R3HCC1L: variants seen among roughly 807,000 people sequenced by gnomAD.
The protein encoded by R3HCC1L is coiled-coil domain-containing protein R3HCC1L.
R3HCC1L carries 51 observed loss-of-function variants against 59.9 expected under a neutral mutation model. The ratio of observed to expected loss-of-function variants is 0.85; its 90% CI spans 0.68 to 1.07. The LOEUF is 1.07. R3HCC1L is among the 50% of genes least tolerant of loss of function. R3HCC1L has a pLI of 0.00. For missense variants in R3HCC1L, 965 were observed against 933.0 expected (o/e 1.03, Z -0.45); for synonymous variants, 322 against 315.2 (o/e 1.02, Z -0.23).
chr10:98,168,589 C>A (rs1848195813), intron 4 of R3HCC1L, among the ~76,000 whole-genome samples: 1 of 152,010 alleles, frequency 6.6e-6, no homozygotes, highest in Admixed American at 6.6e-5. Flanking sequence ...AATGTTTCTT[C>A]CAGTTGTGCA....
At chr10:98,168,178 G>A (rs1848141971) in intron 4 of R3HCC1L, among the ~76,000 whole-genome samples, 1 of 152,100 alleles carries the variant, frequency 6.6e-6, no homozygotes, top group Admixed American at 6.5e-5. Context: ...ATGCAGAGTA[G>A]GAAGCAAACT....
intron 1 of R3HCC1L, among the ~76,000 whole-genome samples, chr10:98,135,109 C>G (rs1047388190): frequency 6.6e-6 from 1 of 152,230 alleles, no homozygotes; most frequent in African/African-American, 2.4e-5. Context: ...GGCTTCGCTT[C>G]GAGCCTCGCC....
intron 1 of R3HCC1L, among the ~76,000 whole-genome samples, chr10:98,146,176 C>CTT (rs60637116): frequency 0.68 from 103,019 of 151,766 alleles, 35,111 homozygotes; most frequent in African/African-American, 0.76. Context: ...GTGATAGCAT[C>CTT]TTTTTTGGTT....
At chr10:98,149,738 T>C (rs146037883) in intron 1 of R3HCC1L, among the ~76,000 whole-genome samples, 1 of 152,348 alleles carries the variant, frequency 6.6e-6, no homozygotes, top group African/African-American at 2.4e-5. Flanking sequence ...TTCAAAGATA[T>C]AGTCTGTTCT....
intron 1 of R3HCC1L, among the ~76,000 whole-genome samples, chr10:98,153,070 TGAG>T (rs771318617): frequency 4.3e-4 from 65 of 151,972 alleles, no homozygotes; most frequent in Non-Finnish European, 9.0e-4. Flanking sequence ...TTCTGGGAAG[TGAG>T]GAGCCCCTAT....
intron 9 of R3HCC1L, 74 bp from the exon 10 acceptor site, chr10:98,244,017 T>C (rs1407299847): frequency 7.3e-7 from 1 of 1,371,190 alleles, no homozygotes; most frequent in Non-Finnish European, 1.0e-6. Flanking sequence ...AAGTTTGCCT[T>C]GTAATTTGGA....
intron 1 of R3HCC1L, among the ~76,000 whole-genome samples, chr10:98,136,992 CGAGGTCAGGAG>C (rs1564972781): frequency 6.6e-6 from 1 of 152,094 alleles, no homozygotes; most frequent in East Asian, 1.9e-4. Context: ...GGGCAGATCA[CGAGGTCAGGAG>C]GTCGAGACCA....
At chr10:98,212,573 C>T (rs543221116) in intron 5 of R3HCC1L, among the ~76,000 whole-genome samples, 23 of 152,248 alleles carry the variant, frequency 1.5e-4, no homozygotes, top group African/African-American at 5.3e-4. Flanking sequence ...TCTCCTAAAG[C>T]CACGGTATGG....
At chr10:98,163,684 T>G (rs956063716) in intron 4 of R3HCC1L, among the ~76,000 whole-genome samples, 1 of 152,194 alleles carries the variant, frequency 6.6e-6, no homozygotes, top group Non-Finnish European at 1.5e-5. Context: ...CTCTGTCTCT[T>G]TCCACTGTAA....
Position 98,234,396 on chromosome 10 carries a change from A to G in R3HCC1L, c.1962-50A>G, listed in dbSNP as rs1856693229. The stretch of plus-strand genomic sequence containing the variant: ...TGAGATTCTATTTGTGAGATGTTTC[A>G]TAAAAGTAAATTTTATTTTAGGAAA... On this transcript the variant is annotated intron_variant, in intron 6 of 9. Coordinates refer to ENST00000298999, the MANE Select transcript of R3HCC1L (RefSeq NM_001351015.2). 18 of 1,531,922 alleles carry G rather than the reference A, an allele frequency of 1.2e-5. No individual in the cohort carries two copies. The East Asian group carries it at 3.9e-4, about 33-fold the overall frequency. 94.9% of individuals were successfully genotyped at this position (1,531,922 alleles called of 1,614,324 possible).
chr10:98,181,977 A>G (rs1439947810), intron 4 of R3HCC1L, among the ~76,000 whole-genome samples: 1 of 152,130 alleles, frequency 6.6e-6, no homozygotes, highest in Non-Finnish European at 1.5e-5. Context: ...AGCTCGGAGA[A>G]GTTTGTTACT....
At chr10:98,168,219 T>C (rs1848148214) in intron 4 of R3HCC1L, among the ~76,000 whole-genome samples, 1 of 152,200 alleles carries the variant, frequency 6.6e-6, no homozygotes, top group Non-Finnish European at 1.5e-5. Context: ...ACATATTATA[T>C]TGCCATTGTT....
intron 4 of R3HCC1L, among the ~76,000 whole-genome samples, chr10:98,205,344 C>T (rs919388320): frequency 3.9e-5 from 6 of 152,044 alleles, no homozygotes; most frequent in South Asian, 4.1e-4. Context: ...AGAATGTTTA[C>T]GCTACAGAGA....
At chr10:98,244,001 T>C in intron 9 of R3HCC1L, 90 bp from the exon 10 acceptor site, 1 of 1,116,604 alleles carries the variant, frequency 9.0e-7, no homozygotes, top group Non-Finnish European at 1.4e-6. Context: ...ACTTGTCTCA[T>C]GACTAAAGTT....
At chr10:98,189,721 C>T (rs1345349083) in intron 4 of R3HCC1L, among the ~76,000 whole-genome samples, 3 of 152,090 alleles carry the variant, frequency 2.0e-5, no homozygotes, top group South Asian at 2.1e-4. Flanking sequence ...AGTGCATTTA[C>T]GGAAGGATGC....
At chr10:98,188,651 G>A (rs891980977) in intron 4 of R3HCC1L, among the ~76,000 whole-genome samples, 14 of 152,038 alleles carry the variant, frequency 9.2e-5, no homozygotes, top group African/African-American at 3.4e-4. Context: ...AGGCAATTGG[G>A]GCTTCTCATC....
chr10:98,229,238 G>A (rs1856057699), intron 5 of R3HCC1L, among the ~76,000 whole-genome samples: 1 of 152,084 alleles, frequency 6.6e-6, no homozygotes, highest in Non-Finnish European at 1.5e-5. Flanking sequence ...TCTTCCATTT[G>A]TTTGTATCCT....
intron 1 of R3HCC1L, among the ~76,000 whole-genome samples, chr10:98,152,672 C>T (rs1444761797): frequency 1.5e-5 from 2 of 129,588 alleles, no homozygotes; most frequent in East Asian, 2.4e-4. Context: ...AGCGCCTCTG[C>T]CCGGCCGCGA....
intron 1 of R3HCC1L, among the ~76,000 whole-genome samples, chr10:98,137,360 G>C (rs1288423837): frequency 6.6e-6 from 1 of 152,208 alleles, no homozygotes; most frequent in Non-Finnish European, 1.5e-5. Flanking sequence ...TATGTCACAA[G>C]GTGTCTACAA....
Sources: allele counts gnomAD v4.1 joint callset (sites outside exome capture counted in the v4.1 genomes callset), GRCh38; gene constraint gnomAD v4.1.1; transcripts MANE v1.5; gene names NCBI Gene and HGNC (gene_info 2026-07-23, HGNC 2026-07-21).